The following LARP6 variants were observed in gnomAD, a reference collection of about 807,000 sequenced individuals.
LARP6 encodes La ribonucleoprotein 6, translational regulator.
LARP6 carries 18 observed loss-of-function variants against 32.8 expected under a neutral mutation model. The observed-to-expected ratio is 0.55, with a 90% CI of 0.38 to 0.81. The LOEUF is 0.81. Ranked by LOEUF, LARP6 falls within the 40% of genes least tolerant of loss-of-function variation. The pLI, the probability that LARP6 is intolerant of heterozygous loss-of-function variation, is 0.00. For missense variants in LARP6, 598 were observed against 663.1 expected (o/e 0.90, Z 1.08); for synonymous variants, 289 against 267.2 (o/e 1.08, Z -0.80).
intron 1 of LARP6, chr15:70,853,214 A>ACCCCCCCCCCCCCCCCCCC (rs10709838): frequency 2.0e-5 from 2 of 100,846 alleles, no homozygotes; most frequent in East Asian, 3.5e-4. Context: ...ACCCAGGAAC[A>ACCCCCCCCCCCCCCCCCCC]CCCCCCCCCC....
At chr15:70,850,253 G>A (rs1384174894) in intron 1 of LARP6, among the ~76,000 whole-genome samples, 1 of 152,156 alleles carries the variant, frequency 6.6e-6, no homozygotes, top group African/African-American at 2.4e-5. Context: ...AGGCCTGATG[G>A]CTTCATTGCT....
At chr15:70,837,870 C>G (rs2032177117) in intron 1 of LARP6, among the ~76,000 whole-genome samples, 1 of 152,194 alleles carries the variant, frequency 6.6e-6, no homozygotes, top group Non-Finnish European at 1.5e-5. Context: ...TCCAAAATGC[C>G]TGGGACCAGA....
At chr15:70,851,548 T>A in intron 1 of LARP6, 2 of 1,535,796 alleles carry the variant, frequency 1.3e-6, no homozygotes, top group East Asian at 2.5e-5. Context: ...CCTTCAAGGA[T>A]CTCACTGTCT....
intron 1 of LARP6, among the ~76,000 whole-genome samples, chr15:70,843,944 C>T (rs1190080887): frequency 1.4e-5 from 2 of 147,284 alleles, no homozygotes; most frequent in South Asian, 2.1e-4. Flanking sequence ...GCGTGAGCAA[C>T]CGCGCCCGAC....
At chr15:70,840,400 TGTG>T (rs1298158023) in intron 1 of LARP6, among the ~76,000 whole-genome samples, 3 of 151,614 alleles carry the variant, frequency 2.0e-5, no homozygotes, top group Admixed American at 6.6e-5. Flanking sequence ...ATTAGCTGGG[TGTG>T]GTGGTGGTAG....
At chr15:70,837,447 A>G (rs2032168800) in intron 1 of LARP6, among the ~76,000 whole-genome samples, 1 of 152,208 alleles carries the variant, frequency 6.6e-6, no homozygotes, top group Non-Finnish European at 1.5e-5. Context: ...GCGCTCTGCC[A>G]CGGGCAAAAT....
At chr15:70,841,395 C>T (rs1458033288) in intron 1 of LARP6, among the ~76,000 whole-genome samples, 4 of 152,186 alleles carry the variant, frequency 2.6e-5, no homozygotes. Context: ...CTTTTCCTAA[C>T]CTTCGCTCCA....
chr15:70,842,801 G>A (rs1179002429), intron 1 of LARP6, among the ~76,000 whole-genome samples: 1 of 152,188 alleles, frequency 6.6e-6, no homozygotes, highest in African/African-American at 2.4e-5. Flanking sequence ...TACTGTGGAG[G>A]TGATATAAAC....
intron 2 of LARP6, among the ~76,000 whole-genome samples, chr15:70,834,288 G>A (rs931890731): frequency 6.6e-6 from 1 of 152,216 alleles, no homozygotes; most frequent in Non-Finnish European, 1.5e-5. Flanking sequence ...GTCTCTGGGA[G>A]AAATGGCTCA....
At chr15:70,845,014 A>G (rs1244567044) in intron 1 of LARP6, among the ~76,000 whole-genome samples, 1 of 152,190 alleles carries the variant, frequency 6.6e-6, no homozygotes, top group Admixed American at 6.6e-5. Context: ...TAATAAACTT[A>G]TTTTAGAATA....
At chr15:70,848,394 T>C (rs1403682416) in intron 1 of LARP6, among the ~76,000 whole-genome samples, 1 of 152,206 alleles carries the variant, frequency 6.6e-6, no homozygotes, top group Non-Finnish European at 1.5e-5. Context: ...AGACTACGTA[T>C]ATCAGGCACT....
rs1491164558 is a variant in LARP6, at chr15:70,852,148, CAG to C, written c.200+1739_200+1740del. ...GCTGCCATGCGAGCCTGGGTCCAAACAGGGGATAGTGTGGATCCTGTTCTTGG... is the reference window on the plus strand; with the variant it reads ...GCTGCCATGCGAGCCTGGGTCCAAACGGGATAGTGTGGATCCTGTTCTTGG... On this transcript the variant is annotated intron_variant, in intron 1 of 2. Coordinates refer to ENST00000299213, the MANE Select transcript of LARP6 (RefSeq NM_018357.4). 2.6e-4 allele frequency: 94 copies of C among 360,126 alleles called. 2 individuals are homozygous for C. Among genetic ancestry groups the C allele is most frequent in the South Asian group, 1.8e-3 (86 of 48,288 alleles). The allele number at this position is 360,126 out of a possible 1,614,324, so 22.3% of individuals were successfully genotyped here. A position where few individuals can be genotyped will look rare whatever the true frequency, so the allele number is the denominator to read the frequency against.
chr15:70,832,365 T>C lies in LARP6; in HGVS notation c.1163A>G (p.Gln388Arg). 1 of 1,613,932 alleles carries C rather than the reference T, an allele frequency of 6.2e-7. No individual in the cohort carries two copies. Among genetic ancestry groups the C allele is most frequent in the Non-Finnish European group, 8.5e-7 (1 of 1,179,884 alleles). The change falls in exon 3 of 3, where the codon CAA becomes CGA. Residue 388 changes from glutamine (Q) to arginine (R), a missense_variant. Physicochemically the swap from Gln to Arg is conservative, Grantham distance 43. Transcript: ENST00000299213. ...CTSPWSSPLA[Q>R]RKGVSRKSPL... ...GGACTTTCTGGAAACGCCTTTGCGT[T>C]GGGCCAAGGGGCTGCTCCAAGGACT... is the stretch of plus-strand genomic sequence containing the variant.
intron 1 of LARP6, chr15:70,852,350 G>A (rs976329290): frequency 4.4e-6 from 2 of 452,668 alleles, no homozygotes; most frequent in African/African-American, 2.0e-5. Flanking sequence ...AAGAGCAAGA[G>A]GGGTTCAGGC....
At chr15:70,845,742 C>A (rs537893783) in intron 1 of LARP6, among the ~76,000 whole-genome samples, 1 of 152,328 alleles carries the variant, frequency 6.6e-6, no homozygotes, top group East Asian at 1.9e-4. Flanking sequence ...TATGGGTTCC[C>A]TCTGCAGTTG....
intron 1 of LARP6, among the ~76,000 whole-genome samples, chr15:70,846,994 A>G (rs1303144634): frequency 6.6e-6 from 1 of 152,222 alleles, no homozygotes; most frequent in African/African-American, 2.4e-5. Context: ...TGCACATTTT[A>G]TTAGCAGCCC....
At chr15:70,838,377 C>A (rs2141051382) in intron 1 of LARP6, among the ~76,000 whole-genome samples, 1 of 152,272 alleles carries the variant, frequency 6.6e-6, no homozygotes, top group Non-Finnish European at 1.5e-5. Flanking sequence ...ACCGTTAAAG[C>A]TCAGTAGGCA....
intron 1 of LARP6, among the ~76,000 whole-genome samples, chr15:70,846,687 A>T (rs2032353433): frequency 6.6e-6 from 1 of 152,136 alleles, no homozygotes; most frequent in South Asian, 2.1e-4. Flanking sequence ...TCAGCTCCTT[A>T]TTCAGACTCA....
In LARP6 at chr15:70,830,165, T is replaced by C. The variant is rs2141046571; in HGVS notation, c.*1887A>G. On this transcript the variant is annotated 3_prime_UTR_variant, in exon 3 of 3. Coordinates refer to ENST00000299213, the MANE Select transcript of LARP6 (RefSeq NM_018357.4). ...GGAAATGGCAAATCCAGAACATTGC[T>C]GGAGGCATTTGCCAGTTAACACGAA... 1 of 152,412 alleles carries C rather than the reference T, an allele frequency of 6.6e-6. No individual in the cohort carries two copies. Among genetic ancestry groups the C allele is most frequent in the South Asian group, 2.1e-4 (1 of 4,836 alleles). 9.4% of individuals were successfully genotyped at this position (152,412 alleles called of 1,614,324 possible).
Sources: gnomAD v4.1 joint callset for allele counts (sites outside exome capture counted in the v4.1 genomes callset) on GRCh38, gnomAD v4.1.1 for gene constraint, MANE v1.5 for transcripts, NCBI Gene and HGNC (gene_info 2026-07-23, HGNC 2026-07-21) for gene names.